Variants in PSG9 observed in about 807,000 individuals in gnomAD.
The protein encoded by PSG9 is pregnancy specific beta-1-glycoprotein 9.
Under a neutral mutation model 41.9 loss-of-function variants are expected in PSG9, and 49 were observed. That is an observed-to-expected ratio of 1.17 (90% CI 0.93 to 1.48). The LOEUF is 1.48. Among genes scored for constraint, PSG9 ranks in the 40% most tolerant of loss-of-function variants. The probability of loss-of-function intolerance (pLI) is 0.00; values close to 1 mark genes in which losing one functional copy is unlikely to be tolerated. For synonymous variants in PSG9, 263 were observed against 196.8 expected, an observed-to-expected ratio of 1.34 and a Z score of -2.82; for missense variants, 641 against 520.3, an observed-to-expected ratio of 1.23 and a Z score of -2.26.
intron 3 of PSG9, chr19:43,259,340 C>A: frequency 9.9e-7 from 1 of 1,011,398 alleles, no homozygotes; most frequent in Non-Finnish European, 1.4e-6. Context: ...TAGGGAAGCA[C>A]AGACTTTCTC....
At chr19:43,257,988 T>A in intron 5 of PSG9, 1 of 1,481,414 alleles carries the variant, frequency 6.8e-7, no homozygotes, top group Non-Finnish European at 8.9e-7. Flanking sequence ...CCCTACCTTT[T>A]TCAGGCCAGA....
intron 5 of PSG9, chr19:43,257,139 G>C (rs551974048): frequency 6.7e-6 from 1 of 149,018 alleles, no homozygotes; most frequent in African/African-American, 2.6e-5. Context: ...ATAAAAGATA[G>C]TTAGAATAGC....
intron 5 of PSG9, among the ~76,000 whole-genome samples, chr19:43,255,526 T>C (rs1375272322): frequency 6.8e-6 from 1 of 146,326 alleles, no homozygotes; most frequent in Non-Finnish European, 1.5e-5. Flanking sequence ...TAGGCAAGAA[T>C]TGAAAAAAAG....
intron 3 of PSG9, chr19:43,260,287 A>G (rs1968648416): frequency 6.8e-6 from 1 of 147,016 alleles, no homozygotes. Context: ...GTTCACACAG[A>G]TTGAGTATTT....
intron 2 of PSG9, among the ~76,000 whole-genome samples, chr19:43,263,359 G>C (rs1445075324): frequency 6.6e-6 from 1 of 151,916 alleles, no homozygotes; most frequent in Non-Finnish European, 1.5e-5. Flanking sequence ...TTTTATTTTG[G>C]AATATTTGCA....
rs368574819 is a variant in PSG9, at chr19:43,261,830, C to T, written c.709+30G>A. On this transcript the variant is annotated intron_variant, in intron 3 of 5. Transcript: ENST00000270077. Reference sequence around the variant, plus strand: ...GGCCATGTGTATTTGGGATGGCAGCCTGGCTCACAGAGGAACAGAAGATAC... The same window carrying T: ...GGCCATGTGTATTTGGGATGGCAGCTTGGCTCACAGAGGAACAGAAGATAC... The T allele has an allele frequency of 3.7e-6, 6 of 1,614,052 alleles. 1 individual carries two copies. Among genetic ancestry groups the T allele is most frequent in the Non-Finnish European group, 3.4e-6 (4 of 1,179,922 alleles).
intron 5 of PSG9, among the ~76,000 whole-genome samples, chr19:43,255,105 CAAAAAAA>C (rs35986995): frequency 1.2e-5 from 1 of 82,240 alleles, no homozygotes; most frequent in Non-Finnish European, 2.3e-5. Flanking sequence ...CTCTCTCTTC[CAAAAAAA>C]AAAAAAAAGA....
intron 2 of PSG9, among the ~76,000 whole-genome samples, chr19:43,262,759 A>G (rs1328743143): frequency 6.6e-6 from 1 of 152,094 alleles, no homozygotes. Context: ...TCTCATAGTG[A>G]CTGACTTGAG....
At chr19:43,267,372 G>A (rs544125355) in intron 2 of PSG9, among the ~76,000 whole-genome samples, 3 of 152,232 alleles carry the variant, frequency 2.0e-5, no homozygotes, top group Admixed American at 2.0e-4. Flanking sequence ...ACTGGAGCAA[G>A]GATTTAGGGA....
chr19:43,258,482 C>G lies in PSG9; in HGVS notation c.989-26G>C, dbSNP rs369809603. On this transcript the variant is annotated intron_variant, in intron 4 of 5. Coordinates refer to ENST00000270077, the MANE Select transcript of PSG9 (RefSeq NM_002784.5). ...CTGGAGGAAAGAGAATAAAGCCACACGTGATGTCATTCGAGGGAAGGGGAT... is the reference window on the plus strand; with the variant it reads ...CTGGAGGAAAGAGAATAAAGCCACAGGTGATGTCATTCGAGGGAAGGGGAT... 501 of 1,536,538 alleles carry G rather than the reference C, an allele frequency of 3.3e-4. 47 individuals carry two copies. Among genetic ancestry groups the G allele is most frequent in the Middle Eastern group, 8.8e-4 (5 of 5,688 alleles).
intron 3 of PSG9, 145 bp downstream of exon 3, chr19:43,261,715 G>T (rs982559325): frequency 1.9e-6 from 3 of 1,591,968 alleles, no homozygotes; most frequent in African/African-American, 2.7e-5. Context: ...ACTCTGGTTT[G>T]CTTGGGGCAG....
At chr19:43,267,118 A>G (rs1485188929) in intron 2 of PSG9, among the ~76,000 whole-genome samples, 2 of 152,112 alleles carry the variant, frequency 1.3e-5, no homozygotes, top group Non-Finnish European at 2.9e-5. Context: ...TAGACTTTCT[A>G]TGGACTGTCC....
chr19:43,258,528 A>G (rs1968548697), intron 4 of PSG9, 72 bp from the exon 5 acceptor site: 1 of 1,504,666 alleles, frequency 6.6e-7, no homozygotes, highest in Non-Finnish European at 8.8e-7. Context: ...TCTTAAAGGG[A>G]CACAGTGACC....
At chr19:43,268,828 T>C (rs545906775) in intron 1 of PSG9, among the ~76,000 whole-genome samples, 7 of 152,152 alleles carry the variant, frequency 4.6e-5, no homozygotes, top group Non-Finnish European at 5.9e-5. Context: ...TCATCTGATA[T>C]AGTTATTATT....
Position 43,258,046 on chromosome 19 carries a change from G to A in PSG9, c.1243+156C>T, listed in dbSNP as rs780577320. ...CAGAAAAACAAGGAGAAGAGAGTCTGTAGAGACAAATTGGGAGGGTTCAGG... is the reference window on the plus strand; with the variant it reads ...CAGAAAAACAAGGAGAAGAGAGTCTATAGAGACAAATTGGGAGGGTTCAGG... On this transcript the variant is annotated intron_variant, in intron 5 of 5. Transcript: ENST00000270077. 7 of 1,579,608 alleles carry A rather than the reference G, an allele frequency of 4.4e-6. 2 individuals carry two copies. The East Asian group carries it at 1.9e-4, about 42-fold the overall frequency.
At chr19:43,263,465 G>A (rs917280003) in intron 2 of PSG9, among the ~76,000 whole-genome samples, 54 of 152,218 alleles carry the variant, frequency 3.5e-4, no homozygotes, top group Admixed American at 1.4e-3. Context: ...GTGGTCAGAA[G>A]TGTTGACTTT....
rs753383711 is a variant in PSG9 at position 43,267,958 on chromosome 19, C to T, written c.256G>A (p.Gly86Ser). The T allele has an allele frequency of 1.2e-6, 2 of 1,613,480 alleles. No homozygotes were observed. The highest frequency in any genetic ancestry group is 2.2e-5 in the South Asian group (2 of 91,062). The change falls in exon 2 of 6, where the codon GGT becomes AGT. Residue 86 changes from glycine to serine, a missense_variant. By Grantham distance (56) the Gly-to-Ser change is moderately conservative. Transcript: ENST00000270077. ...YHYIISYIVD[G>S]KIIIYGPAYS... ...GCAGGCCCATATATAATTATTTTAC[C>T]ATCAACTATATACGATATAATGTAA...
rs898555611 is a variant in PSG9, at chr19:43,267,702, G to A, written c.430+82C>T. On this transcript the variant is annotated intron_variant, in intron 2 of 5. Transcript: ENST00000270077. ...TAATGCAGAGAGTGACACAGGCAGA[G>A]TCCAGGCCTGACAATCCTGTGTGTG... The A allele has an allele frequency of 8.2e-6, 13 of 1,589,858 alleles. No individual in the cohort carries two copies. In the African/African-American group the frequency reaches 1.3e-4, roughly 16 times the overall value.
chr19:43,256,092 T>C (rs1968434817), intron 5 of PSG9, among the ~76,000 whole-genome samples: 1 of 146,750 alleles, frequency 6.8e-6, no homozygotes. Flanking sequence ...CTTCCTGATT[T>C]CAGCATTTAC....
Sources: gnomAD v4.1 joint callset for allele counts (sites outside exome capture counted in the v4.1 genomes callset) on GRCh38, gnomAD v4.1.1 for gene constraint, MANE v1.5 for transcripts, NCBI Gene and HGNC (gene_info 2026-07-23, HGNC 2026-07-21) for gene names.